Variants in RP1 observed in about 807,000 individuals in gnomAD.
The protein encoded by RP1 is oxygen-regulated protein 1.
A neutral mutation model predicts 14.8 loss-of-function variants in RP1; 16 were observed. The ratio of observed to expected loss-of-function variants is 1.08; its 90% confidence interval spans 0.73 to 1.65. The LOEUF is 1.65. RP1 is among the 40% of genes most tolerant of loss of function. The probability of loss-of-function intolerance (pLI) is 0.00; values close to 1 mark genes in which losing one functional copy is unlikely to be tolerated. For synonymous variants in RP1, 876 were observed against 883.6 expected (o/e 0.99, Z 0.15); for missense variants, 2,631 against 2,535.0 (o/e 1.04, Z -0.81).
At chr8:54,861,487 T>C (rs1466483311) in intron 27 of RP1, among the ~76,000 whole-genome samples, 1 of 152,274 alleles carries the variant, frequency 6.6e-6, no homozygotes, top group Admixed American at 6.5e-5. Context: ...CACCACTGTG[T>C]AATATTCTAT....
At chr8:54,679,701 AACAGCC>A in intron 11 of RP1, 1 of 1,526,416 alleles carries the variant, frequency 6.6e-7, no homozygotes, top group Non-Finnish European at 8.8e-7. Context: ...GTTAAAACAA[AACAGCC>A]TATAGAGTTT....
At chr8:54,790,331 G>A (rs957683414) in intron 24 of RP1, among the ~76,000 whole-genome samples, 1 of 152,206 alleles carries the variant, frequency 6.6e-6, no homozygotes, top group East Asian at 1.9e-4. Flanking sequence ...CTGGGCTGAT[G>A]GGTGAAGGTC....
chr8:54,626,172 A>T lies in RP1; in HGVS notation c.2290A>T (p.Thr764Ser). The T allele has an allele frequency of 1.9e-6, 3 of 1,611,652 alleles. No homozygotes were observed. Among genetic ancestry groups the T allele is most frequent in the Middle Eastern group, 1.7e-4 (1 of 6,046 alleles). Residue 764 changes from threonine (T) to serine (S), a missense_variant, in exon 4 of 4, where the codon ACT becomes TCT. Coordinates refer to ENST00000220676, the MANE Select transcript of RP1 (RefSeq NM_006269.2). ...GAATTTCCATAGAAATAAATTAAAT[A>T]CTACTCAAAATTCCAAGGTTCAAGG... ...SKNFHRNKLN[T>S]TQNSKVQGLL... is the part of the protein sequence containing the mutation.
intron 1 of RP1, among the ~76,000 whole-genome samples, chr8:54,582,138 C>A (rs1804807026): frequency 6.6e-6 from 1 of 152,136 alleles, no homozygotes; most frequent in Admixed American, 6.5e-5. Context: ...GGTTTTAGGT[C>A]TAACATTTAC....
intron 6 of RP1, among the ~76,000 whole-genome samples, chr8:54,661,105 A>C (rs1434514163): frequency 6.6e-6 from 1 of 150,826 alleles, no homozygotes; most frequent in Non-Finnish European, 1.5e-5. Flanking sequence ...CTTGAGTTCA[A>C]GACCAGCCTG....
chr8:54,774,697 G>C (rs919502918), downstream of RP1, among the ~76,000 whole-genome samples: 1 of 151,688 alleles, frequency 6.6e-6, no homozygotes, highest in Non-Finnish European at 1.5e-5. Context: ...TTTTTGGTTT[G>C]AGACAAAATA....
chr8:54,776,580 T>C (rs1350049852), intron 23 of RP1, among the ~76,000 whole-genome samples: 2 of 152,198 alleles, frequency 1.3e-5, no homozygotes, highest in African/African-American at 2.4e-5. Flanking sequence ...AAGATGACTA[T>C]AGTCAAAGGA....
intron 1 of RP1, among the ~76,000 whole-genome samples, chr8:54,604,137 C>T (rs910181501): frequency 1.3e-5 from 2 of 152,110 alleles, no homozygotes; most frequent in African/African-American, 4.8e-5. Flanking sequence ...GGTATGCTTC[C>T]AGTTTTTGCC....
downstream of RP1, among the ~76,000 whole-genome samples, chr8:54,772,319 A>AC (rs1809929133): frequency 6.6e-6 from 1 of 152,036 alleles, no homozygotes; most frequent in African/African-American, 2.4e-5. Flanking sequence ...CAGCCACATA[A>AC]TAAACCCCCT....
Position 54,709,094 on chromosome 8 carries a change from C to T in RP1, c.2211+2439C>T, listed in dbSNP as rs544238977. ...AGCTGAGGCTTTGTCCAGGTTTGCCCACTTCCTAAGGCCCCATTGTGGAGG... is the reference window on the plus strand; with the variant it reads ...AGCTGAGGCTTTGTCCAGGTTTGCCTACTTCCTAAGGCCCCATTGTGGAGG... On this transcript the variant is annotated intron_variant, in intron 15 of 22. Coordinates refer to the RP1 transcript ENST00000636932. Among the ~76,000 whole-genome samples, 3 of 152,292 alleles carry T rather than the reference C, an allele frequency of 2.0e-5. No homozygotes were observed. In the East Asian group the frequency reaches 5.8e-4, roughly 29 times the overall value.
chr8:54,608,134 C>T (rs1185466949), intron 1 of RP1, among the ~76,000 whole-genome samples: 1 of 151,720 alleles, frequency 6.6e-6, no homozygotes, highest in Admixed American at 6.6e-5. Flanking sequence ...TTCTGTGTTG[C>T]TCACACTGGG....
intron 1 of RP1, among the ~76,000 whole-genome samples, chr8:54,601,877 A>G (rs1805301964): frequency 6.6e-6 from 1 of 152,240 alleles, no homozygotes; most frequent in African/African-American, 2.4e-5. Context: ...TGTTCAAAAT[A>G]GGCAAATCCA....
intron 24 of RP1, among the ~76,000 whole-genome samples, chr8:54,792,431 A>T (rs529208397): frequency 1.2e-4 from 18 of 152,024 alleles, no homozygotes; most frequent in African/African-American, 4.3e-4. Context: ...GGCACGTAAA[A>T]TATCCAGGAT....
At chr8:54,760,087 T>C (rs1019098312) in intron 22 of RP1, among the ~76,000 whole-genome samples, 3 of 152,190 alleles carry the variant, frequency 2.0e-5, no homozygotes, top group African/African-American at 7.2e-5. Flanking sequence ...CCTAAAGGCA[T>C]GCCACTAAAA....
At chr8:54,742,316 G>A (rs980942731) in intron 19 of RP1, among the ~76,000 whole-genome samples, 10 of 152,142 alleles carry the variant, frequency 6.6e-5, no homozygotes, top group African/African-American at 1.9e-4. Flanking sequence ...CACTGATAGA[G>A]TCTAGCAAAA....
At chr8:54,634,455 G>T (rs927414956), downstream of RP1, among the ~76,000 whole-genome samples, 1 of 152,116 alleles carries the variant, frequency 6.6e-6, no homozygotes, top group African/African-American at 2.4e-5. Context: ...CAATTTGCAG[G>T]ATTATCAGAT....
At chr8:54,721,221 G>T (rs1243688668) in intron 16 of RP1, among the ~76,000 whole-genome samples, 2 of 152,182 alleles carry the variant, frequency 1.3e-5, no homozygotes, top group African/African-American at 4.8e-5. Flanking sequence ...TTTGCAAACT[G>T]TTGGGCTAGT....
At chr8:54,740,951 G>T (rs1012121737) in intron 19 of RP1, among the ~76,000 whole-genome samples, 1 of 151,416 alleles carries the variant, frequency 6.6e-6, no homozygotes. Context: ...CAGGAGAATC[G>T]CTTGAACCCC....
At chr8:54,635,854 C>T (rs1209449032) in intron 3 of RP1, among the ~76,000 whole-genome samples, 3 of 152,080 alleles carry the variant, frequency 2.0e-5, no homozygotes, top group African/African-American at 7.2e-5. Context: ...TCTACAACCC[C>T]CACAAGAAAG....
Sources: gnomAD v4.1 joint callset for allele counts (sites outside exome capture counted in the v4.1 genomes callset) on GRCh38, gnomAD v4.1.1 for gene constraint, MANE v1.5 for transcripts, NCBI Gene and HGNC (gene_info 2026-07-23, HGNC 2026-07-21) for gene names.